Variants in ITSN1 observed in about 807,000 individuals in gnomAD.
ITSN1 encodes intersectin 1.
A neutral mutation model predicts 239.8 loss-of-function variants in ITSN1; 58 were observed. The observed-to-expected ratio is 0.24, with a 90% confidence interval of 0.20 to 0.30. The LOEUF (loss-of-function observed/expected upper bound fraction) is 0.30. Ranked by LOEUF, ITSN1 falls within the 10% of genes least tolerant of loss-of-function variation. The pLI, the probability that ITSN1 is intolerant of heterozygous loss-of-function variation, is 1.00. For missense variants in ITSN1, 1,558 were observed against 2,103.3 expected (o/e 0.74, Z 5.07); for synonymous variants, 780 against 770.8 (o/e 1.01, Z -0.20).
intron 1 of ITSN1, among the ~76,000 whole-genome samples, chr21:33,711,059 G>A (rs543430487): frequency 6.6e-6 from 1 of 152,220 alleles, no homozygotes; most frequent in South Asian, 2.1e-4. Context: ...ACAGGCATGA[G>A]CCACCGCGCC....
At chr21:33,764,433 G>T (rs963260330) in intron 9 of ITSN1, among the ~76,000 whole-genome samples, 3 of 152,006 alleles carry the variant, frequency 2.0e-5, no homozygotes, top group Non-Finnish European at 4.4e-5. Context: ...TATTTCATTT[G>T]CATTTCTTTT....
At chr21:33,664,912 A>T (rs1011003722) in intron 1 of ITSN1, among the ~76,000 whole-genome samples, 1 of 148,678 alleles carries the variant, frequency 6.7e-6, no homozygotes, top group African/African-American at 2.5e-5. Context: ...CTTTGAAGAG[A>T]TGAGAGGAAA....
At chr21:33,706,044 A>G (rs114290835) in intron 1 of ITSN1, among the ~76,000 whole-genome samples, 3 of 152,262 alleles carry the variant, frequency 2.0e-5, no homozygotes, top group African/African-American at 4.8e-5. Flanking sequence ...AATTTTGTTC[A>G]TATACTTATT....
intron 34 of ITSN1, among the ~76,000 whole-genome samples, chr21:33,881,434 A>G (rs1441725812): frequency 6.7e-6 from 1 of 149,684 alleles, no homozygotes; most frequent in Non-Finnish European, 1.5e-5. Flanking sequence ...AAAAATTAAC[A>G]CCACTGATTT....
intron 1 of ITSN1, among the ~76,000 whole-genome samples, chr21:33,663,891 A>G (rs1372872799): frequency 6.6e-6 from 1 of 152,158 alleles, no homozygotes; most frequent in Non-Finnish European, 1.5e-5. Flanking sequence ...GTGAGCCACC[A>G]CACCCGGCCT....
chr21:33,693,704 T>C (rs2091660600), intron 1 of ITSN1, among the ~76,000 whole-genome samples: 1 of 152,180 alleles, frequency 6.6e-6, no homozygotes, highest in South Asian at 2.1e-4. Flanking sequence ...CTTGTGTCTA[T>C]ATAGCACTCC....
At chr21:33,838,325 T>C in intron 29 of ITSN1, 2 of 985,368 alleles carry the variant, frequency 2.0e-6, no homozygotes, top group South Asian at 9.4e-5. Context: ...GTCCTTCTCC[T>C]TTCACATGGT....
At chr21:33,688,840 C>T (rs2146621656) in intron 1 of ITSN1, among the ~76,000 whole-genome samples, 1 of 150,640 alleles carries the variant, frequency 6.6e-6, no homozygotes, top group South Asian at 2.1e-4. Context: ...GAGTTTCGCT[C>T]CTGTCACCCA....
At chr21:33,866,932 G>A (rs755350897) in intron 32 of ITSN1, among the ~76,000 whole-genome samples, 4 of 152,230 alleles carry the variant, frequency 2.6e-5, no homozygotes, top group Admixed American at 6.5e-5. Context: ...AATATTCTGT[G>A]TAAAGCCAGA....
At chr21:33,873,602 G>A (rs1983117650) in intron 33 of ITSN1, among the ~76,000 whole-genome samples, 1 of 152,252 alleles carries the variant, frequency 6.6e-6, no homozygotes, top group Admixed American at 6.5e-5. Flanking sequence ...CAGGCGTGGT[G>A]GCTCACGCCT....
At chr21:33,764,861 G>C (rs1340689098) in intron 9 of ITSN1, among the ~76,000 whole-genome samples, 2 of 152,190 alleles carry the variant, frequency 1.3e-5, no homozygotes, top group Admixed American at 6.5e-5. Context: ...AATGTTTGCT[G>C]TAATTAGCTA....
intron 12 of ITSN1, among the ~76,000 whole-genome samples, chr21:33,772,814 A>T (rs116386521): frequency 7.7e-4 from 118 of 152,276 alleles, no homozygotes; most frequent in African/African-American, 2.8e-3. Context: ...ACATTAATGT[A>T]CAAGTTTTTG....
intron 22 of ITSN1, among the ~76,000 whole-genome samples, chr21:33,816,492 A>G (rs1164774611): frequency 6.6e-6 from 1 of 152,240 alleles, no homozygotes; most frequent in Non-Finnish European, 1.5e-5. Context: ...CAGAGAGATT[A>G]AACAGTTGCC....
chr21:33,836,909 A>G (rs1173949732), intron 29 of ITSN1: 1 of 1,241,862 alleles, frequency 8.1e-7, no homozygotes, highest in South Asian at 1.2e-5. Context: ...TGCTGTTTAC[A>G]TGCCTGACTC....
intron 29 of ITSN1, chr21:33,836,982 T>A (rs2074637469): frequency 6.2e-7 from 1 of 1,612,638 alleles, no homozygotes; most frequent in Admixed American, 1.7e-5. Context: ...TCCTCCTTTT[T>A]CTAGGAATCA....
rs377400304 is a variant in ITSN1 at position 33,877,359 on chromosome 21, C to T, written c.4341+1838C>T. On this transcript the variant is annotated intron_variant, in intron 34 of 39. Coordinates refer to ENST00000381318, the MANE Select transcript of ITSN1 (RefSeq NM_003024.3). ...GTGATTACCGCACCTGGCCCACCTG[C>T]AGGCATCTTTATTGTCTGAAGTTGT... Among the ~76,000 whole-genome samples, 37 of 152,166 alleles carry T rather than the reference C, an allele frequency of 2.4e-4. No homozygotes were observed. The South Asian group carries it at 5.2e-3, about 21-fold the overall frequency.
intron 18 of ITSN1, among the ~76,000 whole-genome samples, 172 bp from the exon 19 acceptor site, chr21:33,799,636 T>C (rs1569204583): frequency 6.6e-6 from 1 of 152,176 alleles, no homozygotes; most frequent in Non-Finnish European, 1.5e-5. Flanking sequence ...GACGTCAGAT[T>C]TGGCTGTGCT....
chr21:33,828,998 G>T, intron 26 of ITSN1: 1 of 471,248 alleles, frequency 2.1e-6, no homozygotes. Flanking sequence ...TAAAAAGAAA[G>T]AAATTTGCCC....
intron 34 of ITSN1, among the ~76,000 whole-genome samples, chr21:33,877,876 G>C (rs1387377421): frequency 6.9e-6 from 1 of 144,646 alleles, no homozygotes; most frequent in East Asian, 2.1e-4. Flanking sequence ...TTTTCTTGGA[G>C]TTAAAAAGTG....
Sources: allele counts gnomAD v4.1 joint callset (sites outside exome capture counted in the v4.1 genomes callset), GRCh38; gene constraint gnomAD v4.1.1; transcripts MANE v1.5; gene names NCBI Gene and HGNC (gene_info 2026-07-23, HGNC 2026-07-21).